The following RBFOX1 variants were observed in gnomAD, a reference collection of about 807,000 sequenced individuals.
RBFOX1 encodes the protein RNA binding protein fox-1 homolog 1.
In RBFOX1, 8 loss-of-function variants were observed where a neutral mutation model predicts 57.7. The ratio of observed to expected loss-of-function variants is 0.14; its 90% CI spans 0.08 to 0.25. The LOEUF is 0.25. Among genes scored for constraint, RBFOX1 ranks in the 10% least tolerant of loss-of-function variants. The pLI is 1.00. For missense variants in RBFOX1, 611 were observed against 548.5 expected, an observed-to-expected ratio of 1.11 and a Z score of -1.14; for synonymous variants, 326 against 222.4, an observed-to-expected ratio of 1.47 and a Z score of -4.15.
At chr16:6,499,322 C>T (rs539417483) in intron 2 of RBFOX1, among the ~76,000 whole-genome samples, 3 of 152,064 alleles carry the variant, frequency 2.0e-5, no homozygotes, top group African/African-American at 7.2e-5. Context: ...AGCCATTATG[C>T]CTGTTTCCTT....
chr16:6,115,697 T>C (rs893055281), intron 1 of RBFOX1, among the ~76,000 whole-genome samples: 4 of 152,200 alleles, frequency 2.6e-5, no homozygotes, highest in African/African-American at 4.8e-5. Context: ...ACAGTCTTTC[T>C]TGCAACTACT....
At chr16:5,701,475 GATT>G (rs2051045403) in intron 3 of RBFOX1, among the ~76,000 whole-genome samples, 1 of 51,398 alleles carries the variant, frequency 1.9e-5, no homozygotes, top group African/African-American at 3.0e-5. Context: ...AAGGATGGAA[GATT>G]TTTTTTTTTT....
chr16:6,122,111 G>A lies in RBFOX1; in HGVS notation c.-127+102119G>A, dbSNP rs557374936. ...AGTAGAGATGGGGTTTCACCGTGTTGGCAAGGCTGGTCTCGAACTCCTGGC... is the reference window on the plus strand; with the variant it reads ...AGTAGAGATGGGGTTTCACCGTGTTAGCAAGGCTGGTCTCGAACTCCTGGC... On this transcript the variant is annotated intron_variant, in intron 1 of 15. Transcript: ENST00000550418. Among the ~76,000 whole-genome samples, 3 of 152,240 alleles carry A rather than the reference G, an allele frequency of 2.0e-5. No homozygotes were observed. In the South Asian group the frequency reaches 6.2e-4, roughly 32 times the overall value.
At chr16:5,403,935 A>G (rs2066790641) in intron 1 of RBFOX1, among the ~76,000 whole-genome samples, 2 of 151,942 alleles carry the variant, frequency 1.3e-5, no homozygotes, top group Non-Finnish European at 2.9e-5. Flanking sequence ...TGGCCTGGGA[A>G]GACACCTCTG....
chr16:6,288,748 A>G lies in RBFOX1; in HGVS notation c.-126-28247A>G, dbSNP rs557478488. ...AGCTGAAGCAAGGTCTTAGGTCTCT[A>G]AGCAGATAGCACCTGAATACGCCTG... On this transcript the variant is annotated intron_variant, in intron 1 of 15. Transcript: ENST00000550418. Among the ~76,000 whole-genome samples the G allele has an allele frequency of 3.9e-5, 6 of 152,230 alleles. No individual in the cohort carries two copies. In the South Asian group the frequency reaches 1.2e-3, roughly 32 times the overall value.
intron 1 of RBFOX1, among the ~76,000 whole-genome samples, chr16:6,247,992 T>C (rs959608134): frequency 2.6e-5 from 4 of 152,180 alleles, no homozygotes; most frequent in African/African-American, 7.2e-5. Flanking sequence ...ACATTGATGT[T>C]ACTGTCAGTT....
At chr16:7,701,397 C>T (rs369457735) in intron 14 of RBFOX1, among the ~76,000 whole-genome samples, 2 of 152,172 alleles carry the variant, frequency 1.3e-5, no homozygotes, top group South Asian at 2.1e-4. Flanking sequence ...CCAGTGGCAG[C>T]ATTAGATTCT....
At chr16:7,579,517 C>G (rs1417243417) in intron 5 of RBFOX1, among the ~76,000 whole-genome samples, 1 of 152,160 alleles carries the variant, frequency 6.6e-6, no homozygotes, top group Non-Finnish European at 1.5e-5. Flanking sequence ...CTGTGTTGCC[C>G]TCATGAGAAT....
At chr16:5,463,264 A>G (rs565366027) in intron 1 of RBFOX1, among the ~76,000 whole-genome samples, 1 of 152,204 alleles carries the variant, frequency 6.6e-6, no homozygotes, top group African/African-American at 2.4e-5. Context: ...CTGACACCTT[A>G]CTTTTCTGGG....
intron 4 of RBFOX1, among the ~76,000 whole-genome samples, chr16:7,454,014 C>A (rs553194080): frequency 1.3e-5 from 2 of 152,166 alleles, no homozygotes; most frequent in African/African-American, 2.4e-5. Context: ...GGGTGGATTG[C>A]CTGAGGTCAG....
intron 2 of RBFOX1, among the ~76,000 whole-genome samples, chr16:6,489,649 T>G (rs2095586086): frequency 6.6e-6 from 1 of 152,190 alleles, no homozygotes; most frequent in South Asian, 2.1e-4. Context: ...AAAGACGTTT[T>G]TAGTCTCATT....
intron 3 of RBFOX1, among the ~76,000 whole-genome samples, chr16:6,869,368 G>T (rs925276273): frequency 1.3e-5 from 2 of 152,084 alleles, no homozygotes; most frequent in Non-Finnish European, 2.9e-5. Context: ...ATAGTTGTAG[G>T]TAGAGAAAGA....
chr16:5,908,179 CAT>C (rs1334047861), intron 4 of RBFOX1, among the ~76,000 whole-genome samples: 1 of 98,946 alleles, frequency 1.0e-5, no homozygotes, highest in African/African-American at 3.4e-5. Flanking sequence ...CATATATACA[CAT>C]ATATACACAT....
At chr16:5,525,084 C>A (rs535208701) in intron 2 of RBFOX1, among the ~76,000 whole-genome samples, 2 of 152,290 alleles carry the variant, frequency 1.3e-5, no homozygotes, top group African/African-American at 2.4e-5. Context: ...CAACACTGCT[C>A]CCCTGGTGTC....
intron 4 of RBFOX1, among the ~76,000 whole-genome samples, chr16:7,118,871 G>A (rs2066492205): frequency 6.6e-6 from 1 of 152,122 alleles, no homozygotes; most frequent in South Asian, 2.1e-4. Flanking sequence ...AGAGCACATA[G>A]AGAACTTGCT....
At chr16:5,745,818 A>T (rs1467171949) in intron 3 of RBFOX1, among the ~76,000 whole-genome samples, 1 of 152,046 alleles carries the variant, frequency 6.6e-6, no homozygotes, top group Admixed American at 6.6e-5. Flanking sequence ...GTTTGAGTTC[A>T]TTGTAGATTC....
At chr16:6,595,763 G>A (rs2097771158) in intron 2 of RBFOX1, among the ~76,000 whole-genome samples, 2 of 152,034 alleles carry the variant, frequency 1.3e-5, no homozygotes, top group Non-Finnish European at 2.9e-5. Flanking sequence ...TAGGTATGAA[G>A]TACAGCTCAT....
intron 4 of RBFOX1, among the ~76,000 whole-genome samples, chr16:7,143,440 G>A (rs1293872010): frequency 5.3e-5 from 8 of 152,058 alleles, no homozygotes; most frequent in Admixed American, 5.2e-4. Flanking sequence ...AAAATAAAAT[G>A]TGCCTCAGTA....
At chr16:7,651,114 G>A (rs2064960323) in intron 11 of RBFOX1, among the ~76,000 whole-genome samples, 1 of 152,152 alleles carries the variant, frequency 6.6e-6, no homozygotes, top group South Asian at 2.1e-4. Flanking sequence ...GATACAAATA[G>A]AAAGACGGAA....
Sources: allele counts gnomAD v4.1 joint callset (sites outside exome capture counted in the v4.1 genomes callset), GRCh38; gene constraint gnomAD v4.1.1; transcripts MANE v1.5; gene names NCBI Gene and HGNC (gene_info 2026-07-23, HGNC 2026-07-21).